Variants in JARID2 observed in about 807,000 individuals in gnomAD.
JARID2 encodes the protein jumonji and AT-rich interaction domain containing 2.
Under a neutral mutation model 125.6 loss-of-function variants are expected in JARID2, and 21 were observed. The observed-to-expected ratio is 0.17, with a 90% CI of 0.12 to 0.24. The LOEUF is 0.24. JARID2 is among the 10% of genes least tolerant of loss of function. The probability of loss-of-function intolerance (pLI) is 1.00; values close to 1 mark genes in which losing one functional copy is unlikely to be tolerated. For synonymous variants in JARID2, 736 were observed against 661.6 expected (o/e 1.11, Z -1.73); for missense variants, 1,303 against 1,639.6 (o/e 0.79, Z 3.55).
At chr6:15,513,173 G>C in intron 15 of JARID2, 66 bp from the exon 16 acceptor site, 4 of 1,554,736 alleles carry the variant, frequency 2.6e-6, no homozygotes, top group Non-Finnish European at 3.5e-6. Context: ...GGGTGCGTGT[G>C]TCCCCTCTGC....
intron 1 of JARID2, among the ~76,000 whole-genome samples, chr6:15,289,890 A>G (rs1761142769): frequency 6.6e-6 from 1 of 152,206 alleles, no homozygotes; most frequent in South Asian, 2.1e-4. Context: ...GACAAGAAGC[A>G]CTGTGTATTG....
At chr6:15,454,569 C>T (rs926848942) in intron 4 of JARID2, among the ~76,000 whole-genome samples, 1 of 152,070 alleles carries the variant, frequency 6.6e-6, no homozygotes, top group African/African-American at 2.4e-5. Flanking sequence ...CCTCGACCTC[C>T]TGGGCTCAAG....
intron 6 of JARID2, among the ~76,000 whole-genome samples, chr6:15,494,448 G>A (rs1367781292): frequency 4.7e-5 from 5 of 106,356 alleles, no homozygotes; most frequent in East Asian, 3.2e-4. Flanking sequence ...CAAGAGTCTC[G>A]CCCAGGCTGG....
At chr6:15,369,167 G>T in intron 1 of JARID2, 1 of 268,712 alleles carries the variant, frequency 3.7e-6, no homozygotes, top group East Asian at 7.9e-5. Flanking sequence ...TTGGAACAGT[G>T]AGTGGTTCTG....
chr6:15,505,404 G>A (rs966048771), intron 9 of JARID2: 6 of 149,160 alleles, frequency 4.0e-5, no homozygotes, highest in African/African-American at 9.9e-5. Context: ...ATCCAAGGTC[G>A]GTTTGCCCCG....
chr6:15,270,330 C>A (rs1229282925), intron 1 of JARID2, among the ~76,000 whole-genome samples: 1 of 152,132 alleles, frequency 6.6e-6, no homozygotes, highest in African/African-American at 2.4e-5. Context: ...CAGGGTTTCT[C>A]CATGTTGGTC....
At chr6:15,400,697 A>AC in intron 2 of JARID2, 1 of 533,512 alleles carries the variant, frequency 1.9e-6, no homozygotes, top group Non-Finnish European at 2.4e-6. Context: ...CCAGCCGGAG[A>AC]CCCCTCCTCT....
intron 1 of JARID2, among the ~76,000 whole-genome samples, chr6:15,301,033 T>C (rs1372141028): frequency 2.0e-5 from 3 of 152,212 alleles, no homozygotes; most frequent in Non-Finnish European, 2.9e-5. Flanking sequence ...ATTGCAAATG[T>C]AGTCTCTCTA....
At chr6:15,296,943 G>T (rs1273346605) in intron 1 of JARID2, among the ~76,000 whole-genome samples, 1 of 152,178 alleles carries the variant, frequency 6.6e-6, no homozygotes, top group South Asian at 2.1e-4. Context: ...CCTTATCTTG[G>T]CTTCCTGCTT....
chr6:15,253,994 G>C (rs1253149792), intron 1 of JARID2, among the ~76,000 whole-genome samples: 1 of 152,210 alleles, frequency 6.6e-6, no homozygotes, highest in Non-Finnish European at 1.5e-5. Flanking sequence ...CCCAAAAAGG[G>C]GAGAAGAAAA....
At position 15,301,745 on chromosome 6, in the gene JARID2, A is replaced by G. The variant is rs553197376; in HGVS notation, c.45+55161A>G. On this transcript the variant is annotated intron_variant, in intron 1 of 17. Coordinates refer to ENST00000341776, the MANE Select transcript of JARID2 (RefSeq NM_004973.4). Reference sequence around the variant, plus strand: ...CGTGAGGAAAATTATGTGGATACTCAAGCATTAAATTCAAATCAGTAAATG... The same window carrying G: ...CGTGAGGAAAATTATGTGGATACTCGAGCATTAAATTCAAATCAGTAAATG... Among the ~76,000 whole-genome samples, 582 of 152,380 alleles carry G rather than the reference A, an allele frequency of 3.8e-3. 2 individuals are homozygous for G. Among genetic ancestry groups the G allele is most frequent in the Middle Eastern group, 0.024 (7 of 294 alleles).
chr6:15,247,078 CTG>C (rs894160684), intron 1 of JARID2, among the ~76,000 whole-genome samples: 3 of 152,144 alleles, frequency 2.0e-5, no homozygotes, highest in African/African-American at 4.8e-5. Context: ...AATTTAATGT[CTG>C]TGGTCGTTTT....
chr6:15,429,866 C>T (rs1322327954), intron 3 of JARID2, among the ~76,000 whole-genome samples: 2 of 152,092 alleles, frequency 1.3e-5, no homozygotes, highest in Non-Finnish European at 2.9e-5. Flanking sequence ...ACAGGGAAGC[C>T]AAAATGTACC....
intron 2 of JARID2, among the ~76,000 whole-genome samples, chr6:15,407,036 G>A (rs989299813): frequency 6.6e-6 from 1 of 151,904 alleles, no homozygotes; most frequent in Non-Finnish European, 1.5e-5. Flanking sequence ...AAATGGGCGA[G>A]GATTACTTGA....
chr6:15,504,054 T>C (rs2127749702), intron 8 of JARID2, among the ~76,000 whole-genome samples: 1 of 132,098 alleles, frequency 7.6e-6, no homozygotes. Flanking sequence ...AGTTTCTGTC[T>C]CTCCAGCTTC....
At chr6:15,306,752 G>A (rs1237212812) in intron 1 of JARID2, among the ~76,000 whole-genome samples, 1 of 151,438 alleles carries the variant, frequency 6.6e-6, no homozygotes, top group Admixed American at 6.6e-5. Context: ...AATTTTTTTT[G>A]ACTTTTGTTA....
At chr6:15,481,526 C>T (rs945898771) in intron 5 of JARID2, among the ~76,000 whole-genome samples, 2 of 152,074 alleles carry the variant, frequency 1.3e-5, no homozygotes, top group African/African-American at 4.8e-5. Flanking sequence ...AAGATAATTA[C>T]TTGGAGGAGT....
intron 3 of JARID2, among the ~76,000 whole-genome samples, chr6:15,423,198 C>A (rs1473209513): frequency 6.6e-6 from 1 of 152,020 alleles, no homozygotes; most frequent in South Asian, 2.1e-4. Flanking sequence ...TAGGTTTTCA[C>A]CATGTTGCTC....
At chr6:15,321,722 G>T (rs1020945722) in intron 1 of JARID2, among the ~76,000 whole-genome samples, 1 of 149,260 alleles carries the variant, frequency 6.7e-6, no homozygotes, top group African/African-American at 2.5e-5. Flanking sequence ...GAAGATATGA[G>T]ACTTCAATAA....
Sources: gnomAD v4.1 joint callset for allele counts (sites outside exome capture counted in the v4.1 genomes callset) on GRCh38, gnomAD v4.1.1 for gene constraint, MANE v1.5 for transcripts, NCBI Gene and HGNC (gene_info 2026-07-23, HGNC 2026-07-21) for gene names.